Variants in CNTNAP5 observed in about 807,000 individuals in gnomAD.
The protein encoded by CNTNAP5 is contactin associated protein family member 5.
Under a neutral mutation model 150.2 loss-of-function variants are expected in CNTNAP5, and 72 were observed. The ratio of observed to expected loss-of-function variants is 0.48; its 90% CI spans 0.40 to 0.58. The LOEUF (loss-of-function observed/expected upper bound fraction) is 0.58. Ranked by LOEUF, CNTNAP5 falls within the 20% of genes least tolerant of loss-of-function variation. The pLI, the probability that CNTNAP5 is intolerant of heterozygous loss-of-function variation, is 0.00. For synonymous variants in CNTNAP5, 672 were observed against 619.8 expected (o/e 1.08, Z -1.25); for missense variants, 1,636 against 1,626.2 (o/e 1.01, Z -0.10).
intron 19 of CNTNAP5, among the ~76,000 whole-genome samples, chr2:124,862,542 G>A (rs1181125024): frequency 6.6e-6 from 1 of 152,190 alleles, no homozygotes; most frequent in African/African-American, 2.4e-5. Flanking sequence ...AGGATAGCGG[G>A]AATAACTCTG....
chr2:124,553,502 T>TGA (rs1558951114), intron 10 of CNTNAP5, among the ~76,000 whole-genome samples: 1 of 52,902 alleles, frequency 1.9e-5, no homozygotes, highest in Non-Finnish European at 4.6e-5. Context: ...AGACTCTGTC[T>TGA]CAAAAAAAAA....
At chr2:124,532,849 T>G (rs1471002913) in intron 10 of CNTNAP5, among the ~76,000 whole-genome samples, 4 of 152,184 alleles carry the variant, frequency 2.6e-5, no homozygotes, top group Non-Finnish European at 5.9e-5. Flanking sequence ...ATTGCATGAC[T>G]GGAATGCGGT....
intron 13 of CNTNAP5, among the ~76,000 whole-genome samples, chr2:124,717,113 G>A (rs1420414742): frequency 6.6e-6 from 1 of 152,106 alleles, no homozygotes; most frequent in Admixed American, 6.6e-5. Context: ...TTTTTTAACT[G>A]TGATAGCAAA....
At chr2:124,244,875 A>C (rs1686979504) in intron 3 of CNTNAP5, among the ~76,000 whole-genome samples, 1 of 152,184 alleles carries the variant, frequency 6.6e-6, no homozygotes, top group Non-Finnish European at 1.5e-5. Flanking sequence ...CAATGTTAAC[A>C]TCTCCAGGAA....
At chr2:124,431,264 G>A (rs899331323) in intron 4 of CNTNAP5, among the ~76,000 whole-genome samples, 1 of 152,114 alleles carries the variant, frequency 6.6e-6, no homozygotes, top group African/African-American at 2.4e-5. Context: ...ATGGAATGCA[G>A]ATCATAGTAA....
At chr2:124,587,212 A>T (rs1486561824) in intron 11 of CNTNAP5, among the ~76,000 whole-genome samples, 1 of 152,160 alleles carries the variant, frequency 6.6e-6, no homozygotes, top group Non-Finnish European at 1.5e-5. Context: ...TGCTATAATC[A>T]TCTGTTCCAT....
At chr2:124,680,297 T>G (rs1340240490) in intron 13 of CNTNAP5, among the ~76,000 whole-genome samples, 1 of 151,854 alleles carries the variant, frequency 6.6e-6, no homozygotes, top group Admixed American at 6.7e-5. Context: ...ACAGAGACAT[T>G]AGCATAACCC....
intron 12 of CNTNAP5, among the ~76,000 whole-genome samples, chr2:124,627,037 A>G (rs1677738944): frequency 6.6e-6 from 1 of 152,174 alleles, no homozygotes; most frequent in Non-Finnish European, 1.5e-5. Flanking sequence ...GCCTCCCTGT[A>G]GGAAATCTAG....
intron 11 of CNTNAP5, among the ~76,000 whole-genome samples, chr2:124,576,344 T>C (rs1242372223): frequency 6.6e-6 from 1 of 152,176 alleles, no homozygotes; most frequent in Non-Finnish European, 1.5e-5. Flanking sequence ...CATTCCCTTG[T>C]TCCTGTCTGC....
At chr2:124,355,092 A>G (rs181240803) in intron 3 of CNTNAP5, among the ~76,000 whole-genome samples, 3 of 150,790 alleles carry the variant, frequency 2.0e-5, no homozygotes, top group East Asian at 1.9e-4. Context: ...AATATAATAT[A>G]TTTAATATTT....
chr2:124,267,646 T>G (rs1023841214), intron 3 of CNTNAP5, among the ~76,000 whole-genome samples: 2 of 152,116 alleles, frequency 1.3e-5, no homozygotes, highest in Non-Finnish European at 2.9e-5. Flanking sequence ...TGTATAAAAT[T>G]TATGTAGCTT....
intron 3 of CNTNAP5, among the ~76,000 whole-genome samples, chr2:124,279,219 TAGGAA>T (rs1687957308): frequency 2.1e-5 from 3 of 143,788 alleles, no homozygotes; most frequent in Admixed American, 1.4e-4. Context: ...GTTAAAACTG[TAGGAA>T]GTGTGTGTGT....
intron 3 of CNTNAP5, among the ~76,000 whole-genome samples, chr2:124,373,803 A>G (rs1558873203): frequency 6.6e-6 from 1 of 150,398 alleles, no homozygotes; most frequent in Non-Finnish European, 1.5e-5. Context: ...ACTTAAAAGG[A>G]TACAATATTT....
At chr2:124,629,659 A>G (rs1474118075) in intron 12 of CNTNAP5, among the ~76,000 whole-genome samples, 1 of 152,042 alleles carries the variant, frequency 6.6e-6, no homozygotes, top group Admixed American at 6.6e-5. Flanking sequence ...GAACTAGAGA[A>G]CCAGGAGCAA....
intron 13 of CNTNAP5, among the ~76,000 whole-genome samples, chr2:124,718,097 A>G (rs1020097158): frequency 2.0e-5 from 3 of 152,252 alleles, no homozygotes; most frequent in Admixed American, 6.5e-5. Context: ...GAGAAGACTA[A>G]CAAATGTAAA....
At chr2:124,466,377 C>G (rs1693379464) in intron 6 of CNTNAP5, among the ~76,000 whole-genome samples, 1 of 152,076 alleles carries the variant, frequency 6.6e-6, no homozygotes, top group African/African-American at 2.4e-5. Flanking sequence ...ATTTTGGTCA[C>G]TAGTATGCTT....
At chr2:124,651,353 A>T (rs1022610501) in intron 13 of CNTNAP5, among the ~76,000 whole-genome samples, 10 of 152,194 alleles carry the variant, frequency 6.6e-5, no homozygotes, top group African/African-American at 2.4e-4. Context: ...TAATAAATGG[A>T]TACAATATAA....
intron 7 of CNTNAP5, among the ~76,000 whole-genome samples, chr2:124,482,032 G>A (rs1284097374): frequency 6.6e-6 from 1 of 152,138 alleles, no homozygotes; most frequent in African/African-American, 2.4e-5. Flanking sequence ...CAATCTTCAA[G>A]TGCTTTTTAA....
chr2:124,840,389 C>G (rs1227137932), intron 19 of CNTNAP5, among the ~76,000 whole-genome samples: 1 of 152,078 alleles, frequency 6.6e-6, no homozygotes, highest in Non-Finnish European at 1.5e-5. Flanking sequence ...CTCGCCATTG[C>G]ATACTGCCTC....
Sources: allele counts gnomAD v4.1 joint callset (sites outside exome capture counted in the v4.1 genomes callset), GRCh38; gene constraint gnomAD v4.1.1; transcripts MANE v1.5; gene names NCBI Gene and HGNC (gene_info 2026-07-23, HGNC 2026-07-21).